The following ASAP1 variants were observed in gnomAD, a reference collection of about 807,000 sequenced individuals.
The protein encoded by ASAP1 is ArfGAP with SH3 domain, ankyrin repeat and PH domain 1.
ASAP1 carries 43 observed loss-of-function variants against 145.2 expected under a neutral mutation model. The ratio of observed to expected loss-of-function variants is 0.30; its 90% CI spans 0.23 to 0.38. ASAP1 has a LOEUF of 0.38. ASAP1 is among the 10% of genes least tolerant of loss of function. The probability of loss-of-function intolerance (pLI) is 1.00; values close to 1 mark genes in which losing one functional copy is unlikely to be tolerated. For missense variants in ASAP1, 1,018 were observed against 1,355.3 expected, an observed-to-expected ratio of 0.75 and a Z score of 3.91; for synonymous variants, 546 against 515.5, an observed-to-expected ratio of 1.06 and a Z score of -0.80.
chr8:130,136,853 T>A (rs1431416326), intron 14 of ASAP1, 98 bp downstream of exon 14: 20 of 1,009,422 alleles, frequency 2.0e-5, no homozygotes, highest in Non-Finnish European at 3.2e-5. Context: ...ATGCCAACTG[T>A]GAGGAGCCCT....
chr8:130,391,829 C>A (rs1828299768), intron 2 of ASAP1, among the ~76,000 whole-genome samples: 1 of 152,188 alleles, frequency 6.6e-6, no homozygotes, highest in Admixed American at 6.5e-5. Flanking sequence ...CCAGAGGGAC[C>A]CCCTCCTGGG....
chr8:130,284,779 T>C (rs897484020), intron 3 of ASAP1, among the ~76,000 whole-genome samples: 38 of 149,796 alleles, frequency 2.5e-4, no homozygotes, highest in African/African-American at 9.1e-4. Flanking sequence ...TAATATTCCC[T>C]CCCCCCATAA....
intron 3 of ASAP1, among the ~76,000 whole-genome samples, chr8:130,300,180 AGAGAGAGCGAGC>A (rs1822569538): frequency 7.0e-6 from 1 of 142,468 alleles, no homozygotes; most frequent in Non-Finnish European, 1.5e-5. Context: ...AGAGAGAGAG[AGAGAGAGCGAGC>A]GAGCGAGCAG....
At chr8:130,207,399 A>G (rs1816296796) in intron 5 of ASAP1, among the ~76,000 whole-genome samples, 1 of 152,186 alleles carries the variant, frequency 6.6e-6, no homozygotes, top group South Asian at 2.1e-4. Flanking sequence ...TTTCATAGGT[A>G]TTTCACATAA....
chr8:130,314,752 A>G (rs1387975108), intron 3 of ASAP1, among the ~76,000 whole-genome samples: 1 of 152,234 alleles, frequency 6.6e-6, no homozygotes, highest in East Asian at 1.9e-4. Context: ...AAAGGGAGCT[A>G]AGCCACAGAT....
intron 3 of ASAP1, among the ~76,000 whole-genome samples, chr8:130,345,784 C>A (rs535137133): frequency 6.6e-6 from 1 of 152,120 alleles, no homozygotes; most frequent in Non-Finnish European, 1.5e-5. Context: ...CTAGCCTGGG[C>A]AACATCACAA....
At chr8:130,140,548 C>G (rs533231626) in intron 13 of ASAP1, among the ~76,000 whole-genome samples, 1 of 152,056 alleles carries the variant, frequency 6.6e-6, no homozygotes, top group Non-Finnish European at 1.5e-5. Flanking sequence ...TTTCTAAGCA[C>G]GGACTATTTC....
chr8:130,300,153 C>CAGAGAGAGAGAGAGAGAGAGAGAG (rs369720584), intron 3 of ASAP1, among the ~76,000 whole-genome samples: 21 of 76,922 alleles, frequency 2.7e-4, no homozygotes, highest in African/African-American at 5.4e-4. Context: ...CACACACACA[C>CAGAGAGAGAGAGAGAGAGAGAGAG]AGAGAGAGAG....
At chr8:130,388,683 C>A (rs1437432550) in intron 2 of ASAP1, among the ~76,000 whole-genome samples, 1 of 152,016 alleles carries the variant, frequency 6.6e-6, no homozygotes, top group Non-Finnish European at 1.5e-5. Flanking sequence ...TCATAGAAGC[C>A]AAAAGAAAAC....
At chr8:130,197,502 C>A (rs1038698624) in intron 5 of ASAP1, among the ~76,000 whole-genome samples, 1 of 152,172 alleles carries the variant, frequency 6.6e-6, no homozygotes, top group Non-Finnish European at 1.5e-5. Context: ...TTATTCCAGG[C>A]CACAGAGGTG....
At chr8:130,236,362 G>A (rs1818215439) in intron 4 of ASAP1, among the ~76,000 whole-genome samples, 1 of 150,884 alleles carries the variant, frequency 6.6e-6, no homozygotes, top group South Asian at 2.1e-4. Context: ...ATTCACTGAT[G>A]ACATACTTTT....
intron 8 of ASAP1, among the ~76,000 whole-genome samples, chr8:130,179,768 A>T (rs1165866480): frequency 6.6e-6 from 1 of 152,114 alleles, no homozygotes; most frequent in Non-Finnish European, 1.5e-5. Context: ...AATCAGAAAG[A>T]ATTTTTACTA....
At chr8:130,173,196 A>G (rs1389633801) in intron 9 of ASAP1, among the ~76,000 whole-genome samples, 1 of 152,230 alleles carries the variant, frequency 6.6e-6, no homozygotes, top group Non-Finnish European at 1.5e-5. Flanking sequence ...TTGGTAAGAA[A>G]TAGGAGCAGG....
At chr8:130,260,623 T>A (rs370200462) in intron 3 of ASAP1, among the ~76,000 whole-genome samples, 13 of 152,256 alleles carry the variant, frequency 8.5e-5, no homozygotes, top group Non-Finnish European at 1.5e-4. Flanking sequence ...AACTGGAATT[T>A]CAGACTGTGG....
At chr8:130,309,028 C>A (rs980592642) in intron 3 of ASAP1, among the ~76,000 whole-genome samples, 1 of 152,198 alleles carries the variant, frequency 6.6e-6, no homozygotes, top group African/African-American at 2.4e-5. Context: ...AAATGACTTA[C>A]ACGCATAATA....
intron 2 of ASAP1, among the ~76,000 whole-genome samples, chr8:130,377,887 TCCCCCTG>T (rs942314770): frequency 5.9e-5 from 9 of 152,010 alleles, no homozygotes; most frequent in Non-Finnish European, 1.2e-4. Context: ...ATCTCTATGG[TCCCCCTG>T]CCCACTGCCC....
chr8:130,126,071 G>A lies in ASAP1; in HGVS notation c.1400C>T (p.Thr467Ile), dbSNP rs764344409. ...TATACAGGTCAAAATACCCAAGTTGGTTGAAAGCCAGGTGGGTTCTGTGGA... is the reference window on the plus strand; with the variant it reads ...TATACAGGTCAAAATACCCAAGTTGATTGAAAGCCAGGTGGGTTCTGTGGA... The part of the protein sequence containing the change: ...CGSSEPTWLS[T>I]NLGILTCIEC... Residue 467 changes from threonine to isoleucine, a missense_variant, in exon 17 of 30, where the codon ACC (threonine) becomes ATC (isoleucine). Physicochemically the swap from Thr to Ile is moderately conservative, Grantham distance 89. Transcript: ENST00000518721. The A allele has an allele frequency of 6.2e-6, 10 of 1,609,994 alleles. No individual in the cohort carries two copies. The highest frequency in any genetic ancestry group is 3.4e-5 in the Admixed American group (2 of 58,992).
intron 27 of ASAP1, among the ~76,000 whole-genome samples, chr8:130,061,455 T>C (rs943402299): frequency 7.9e-5 from 12 of 152,236 alleles, no homozygotes; most frequent in Admixed American, 2.6e-4. Flanking sequence ...GATATAACTT[T>C]TACTTGCTTT....
chr8:130,183,825 AC>A (rs1565062673), intron 7 of ASAP1, among the ~76,000 whole-genome samples: 1 of 152,178 alleles, frequency 6.6e-6, no homozygotes, highest in Non-Finnish European at 1.5e-5. Flanking sequence ...ATGGAACTAT[AC>A]TAGTCAAGAG....
Sources: allele counts gnomAD v4.1 joint callset (sites outside exome capture counted in the v4.1 genomes callset), GRCh38; gene constraint gnomAD v4.1.1; transcripts MANE v1.5; gene names NCBI Gene and HGNC (gene_info 2026-07-23, HGNC 2026-07-21).